MIPOL1: variants seen among roughly 807,000 people sequenced by gnomAD.
MIPOL1 encodes mirror-image polydactyly 1, also known as mirror-image polydactyly gene 1 protein.
MIPOL1 carries 57 observed loss-of-function variants against 60.9 expected under a neutral mutation model. The ratio of observed to expected loss-of-function variants is 0.94; its 90% CI spans 0.76 to 1.17. The LOEUF is 1.17. MIPOL1 is among the 50% of genes most tolerant of loss of function. MIPOL1 has a pLI of 0.00. For missense variants in MIPOL1, 551 were observed against 511.6 expected, an observed-to-expected ratio of 1.08 and a Z score of -0.74; for synonymous variants, 179 against 168.8, an observed-to-expected ratio of 1.06 and a Z score of -0.47.
intron 12 of MIPOL1, among the ~76,000 whole-genome samples, chr14:37,535,581 A>G (rs1356412569): frequency 6.6e-6 from 1 of 152,204 alleles, no homozygotes; most frequent in Non-Finnish European, 1.5e-5. Context: ...TGAAAAAGGT[A>G]TAACATGAAA....
chr14:37,369,787 A>G (rs1429966754), intron 10 of MIPOL1, 163 bp downstream of exon 10: 2 of 440,870 alleles, frequency 4.5e-6, no homozygotes, highest in East Asian at 6.9e-5. Flanking sequence ...TTGTTATGGT[A>G]TTATTTTATT....
At chr14:37,482,038 C>A (rs1296072244) in intron 11 of MIPOL1, among the ~76,000 whole-genome samples, 1 of 151,506 alleles carries the variant, frequency 6.6e-6, no homozygotes, top group African/African-American at 2.4e-5. Context: ...GGATCTGACC[C>A]CAAAAAGCAT....
At chr14:37,320,427 G>C (rs1388490068) in intron 9 of MIPOL1, among the ~76,000 whole-genome samples, 1 of 151,884 alleles carries the variant, frequency 6.6e-6, no homozygotes, top group Non-Finnish European at 1.5e-5. Flanking sequence ...CTTTTTATAT[G>C]TTTTTTGACC....
intron 11 of MIPOL1, among the ~76,000 whole-genome samples, chr14:37,497,130 T>C (rs960629107): frequency 6.6e-6 from 1 of 152,058 alleles, no homozygotes; most frequent in Non-Finnish European, 1.5e-5. Context: ...TTACACCTTA[T>C]ACAAAAATCA....
chr14:37,417,434 C>A (rs2093790816), intron 10 of MIPOL1, among the ~76,000 whole-genome samples: 1 of 152,132 alleles, frequency 6.6e-6, no homozygotes, highest in African/African-American at 2.4e-5. Flanking sequence ...CAAAATAGAA[C>A]AACCTCTAAG....
rs189971884 is a variant in MIPOL1 at position 37,491,360 on chromosome 14, C to G, written c.1032-8548C>G. Among the ~76,000 whole-genome samples, 6 of 152,276 alleles carry G rather than the reference C, an allele frequency of 3.9e-5. No individual in the cohort carries two copies. In the East Asian group the frequency reaches 9.7e-4, roughly 25 times the overall value. The stretch of plus-strand genomic sequence containing the variant: ...CTTGTGCAACATGGCGAAACTCCGC[C>G]TTTACCAAAAATACAAAAATTAGCT... On this transcript the variant is annotated intron_variant, in intron 11 of 12. Transcript: ENST00000684589.
intron 10 of MIPOL1, among the ~76,000 whole-genome samples, chr14:37,394,077 T>TATATATATATATATATATAG (rs2093321056): frequency 7.3e-6 from 1 of 137,136 alleles, no homozygotes; most frequent in African/African-American, 2.7e-5. Context: ...TATATATATA[T>TATATATATATATATATATAG]ATATATATCT....
chr14:37,260,233 TCTC>T (rs1368969353), intron 3 of MIPOL1, among the ~76,000 whole-genome samples: 2 of 145,516 alleles, frequency 1.4e-5, no homozygotes, highest in African/African-American at 5.1e-5. Context: ...CATAGTGAGA[TCTC>T]ATCTAAAAAA....
At chr14:37,278,644 A>C (rs2083859205) in intron 6 of MIPOL1, 1 of 151,748 alleles carries the variant, frequency 6.6e-6, no homozygotes, top group Admixed American at 6.6e-5. Context: ...AACTACCATA[A>C]GATGTTAACA....
intron 12 of MIPOL1, among the ~76,000 whole-genome samples, chr14:37,528,922 C>T (rs533773248): frequency 6.6e-6 from 1 of 152,228 alleles, no homozygotes; most frequent in South Asian, 2.1e-4. Context: ...GTCAGTCATC[C>T]TCTGTCCTCA....
At position 37,473,151 on chromosome 14, in the gene MIPOL1, C is replaced by T. The variant is rs150187969; in HGVS notation, c.1032-26757C>T. On this transcript the variant is annotated intron_variant, in intron 11 of 12. Coordinates refer to ENST00000684589, the MANE Select transcript of MIPOL1 (RefSeq NM_001388067.1). ...TTTCTCATGGTAATGAGTGAGTTCT[C>T]ACTCTATTAGTTACCACTCTATTTG... is the stretch of plus-strand genomic sequence containing the variant. Among the ~76,000 whole-genome samples, 163 of 152,172 alleles carry T rather than the reference C, an allele frequency of 1.1e-3. 1 individual carries two copies. The highest frequency in any genetic ancestry group is 3.9e-3 in the African/African-American group (160 of 41,534).
intron 12 of MIPOL1, among the ~76,000 whole-genome samples, chr14:37,515,568 A>G (rs113683852): frequency 0.013 from 2,011 of 152,318 alleles, 45 homozygotes; most frequent in African/African-American, 0.045. Context: ...TTCTGTTACC[A>G]TGTGCCATAT....
chr14:37,297,847 G>A (rs1338950501), intron 7 of MIPOL1, among the ~76,000 whole-genome samples: 1 of 152,018 alleles, frequency 6.6e-6, no homozygotes, highest in Admixed American at 6.6e-5. Context: ...TCATGGGTAG[G>A]AAGAATCAAT....
chr14:37,282,747 C>CAAAAAA (rs59301708), intron 6 of MIPOL1, among the ~76,000 whole-genome samples: 48 of 67,668 alleles, frequency 7.1e-4, no homozygotes, highest in African/African-American at 1.1e-3. Flanking sequence ...GACCCTGTCT[C>CAAAAAA]AAAAAAAAAA....
At chr14:37,282,014 A>G (rs1018277802) in intron 6 of MIPOL1, among the ~76,000 whole-genome samples, 2 of 152,084 alleles carry the variant, frequency 1.3e-5, no homozygotes, top group Non-Finnish European at 2.9e-5. Flanking sequence ...ATAAATGGTA[A>G]TGTCCTTTAA....
At chr14:37,509,360 ACAGACT>A (rs1176146583) in intron 12 of MIPOL1, among the ~76,000 whole-genome samples, 2 of 151,746 alleles carry the variant, frequency 1.3e-5, no homozygotes, top group African/African-American at 4.8e-5. Context: ...ACACACACAC[ACAGACT>A]CAAAGAGTGG....
chr14:37,345,416 A>T (rs1317166956), intron 9 of MIPOL1, among the ~76,000 whole-genome samples: 1 of 152,164 alleles, frequency 6.6e-6, no homozygotes, highest in Admixed American at 6.6e-5. Context: ...AGTTTTTAAA[A>T]TTTTTAAATT....
chr14:37,280,958 C>T (rs1419728545), intron 6 of MIPOL1, among the ~76,000 whole-genome samples: 1 of 152,174 alleles, frequency 6.6e-6, no homozygotes, highest in Non-Finnish European at 1.5e-5. Flanking sequence ...TTTTCTCCTA[C>T]ACTGTAGGTT....
intron 11 of MIPOL1, among the ~76,000 whole-genome samples, chr14:37,498,135 T>A (rs1172448866): frequency 2.0e-5 from 3 of 152,146 alleles, no homozygotes; most frequent in African/African-American, 7.2e-5. Flanking sequence ...GACAAAAAGT[T>A]TAAAAATAGG....
Sources: allele counts gnomAD v4.1 joint callset (sites outside exome capture counted in the v4.1 genomes callset), GRCh38; gene constraint gnomAD v4.1.1; transcripts MANE v1.5; gene names NCBI Gene and HGNC (gene_info 2026-07-23, HGNC 2026-07-21).